The following CDK13 variants were observed in gnomAD, a reference collection of about 807,000 sequenced individuals.
CDK13 encodes cyclin-dependent kinase 13.
A neutral mutation model predicts 137.6 loss-of-function variants in CDK13; 40 were observed. The ratio of observed to expected loss-of-function variants is 0.29; its 90% CI spans 0.23 to 0.38. The LOEUF is 0.38. Ranked by LOEUF, CDK13 falls within the 10% of genes least tolerant of loss-of-function variation. The pLI, the probability that CDK13 is intolerant of heterozygous loss-of-function variation, is 1.00. For missense variants in CDK13, 1,704 were observed against 1,951.8 expected (o/e 0.87, Z 2.39); for synonymous variants, 869 against 760.1 (o/e 1.14, Z -2.36).
intron 1 of CDK13, chr7:39,952,749 A>C (rs375458073): frequency 6.6e-6 from 1 of 152,230 alleles, no homozygotes; most frequent in African/African-American, 2.4e-5. Flanking sequence ...TTTAAATATC[A>C]GGATCTTTGT....
Position 40,089,717 on chromosome 7 carries a change from A to AGT in CDK13, c.3235+1387_3235+1388insTG, listed in dbSNP as rs1375627357. Among the ~76,000 whole-genome samples the AGT allele has an allele frequency of 2.9e-3, 420 of 143,032 alleles. 2 individuals carry two copies. Among genetic ancestry groups the AGT allele is most frequent in the African/African-American group, 0.011 (398 of 35,420 alleles). The allele number at this position is 143,032 out of a possible 152,430, so 93.8% of individuals were successfully genotyped here. ...ATAAAATAGAGAGAGAGAGAGAGAG[A>AGT]GAGAGAGTGTGTGTGTGTGTGTGTG... is the stretch of plus-strand genomic sequence containing the variant. On this transcript the variant is annotated intron_variant, in intron 12 of 13. Transcript: ENST00000181839.
At chr7:39,985,292 T>C (rs1784314206) in intron 1 of CDK13, 1 of 152,306 alleles carries the variant, frequency 6.6e-6, no homozygotes, top group Admixed American at 6.5e-5. Context: ...CTGTTGCAAG[T>C]GACGGGATCT....
chr7:39,959,239 G>A (rs536855732), intron 1 of CDK13, among the ~76,000 whole-genome samples: 2 of 150,186 alleles, frequency 1.3e-5, no homozygotes. Flanking sequence ...TCGGCTCACC[G>A]CAACCTCTGC....
intron 1 of CDK13, among the ~76,000 whole-genome samples, chr7:39,958,117 A>G (rs1583905296): frequency 6.6e-6 from 1 of 152,166 alleles, no homozygotes; most frequent in African/African-American, 2.4e-5. Flanking sequence ...TGGAAAGTAA[A>G]ATTGATGTAC....
chr7:39,997,400 TTCATGAC>T, intron 2 of CDK13, 87 bp from the exon 3 acceptor site: 1 of 937,940 alleles, frequency 1.1e-6, no homozygotes, highest in Non-Finnish European at 1.7e-6. Flanking sequence ...CTGTTGAATA[TTCATGAC>T]TATTGCTACT....
intron 1 of CDK13, among the ~76,000 whole-genome samples, chr7:39,982,218 A>C (rs1583941435): frequency 1.5e-5 from 2 of 129,120 alleles, no homozygotes; most frequent in African/African-American, 3.0e-5. Flanking sequence ...TCCTGTGTCC[A>C]TGTGTTCTCA....
intron 1 of CDK13, among the ~76,000 whole-genome samples, chr7:39,982,774 G>A (rs1784256462): frequency 6.6e-6 from 1 of 152,182 alleles, no homozygotes; most frequent in African/African-American, 2.4e-5. Context: ...CAGTGATGAT[G>A]AGCATTTTTT....
intron 5 of CDK13, among the ~76,000 whole-genome samples, chr7:40,043,408 A>G (rs2150513537): frequency 6.6e-6 from 1 of 152,348 alleles, no homozygotes; most frequent in South Asian, 2.1e-4. Context: ...TGTTTTGGCT[A>G]GTACTCTGGT....
In CDK13 at chr7:40,099,394, C is replaced by T. The variant is rs1404187096; in HGVS notation, c.*4414C>T. ...TTCAAATGAGGCTCTATAGTGAATA[C>T]AGAATCACTCTTCTAAGTTTTTTCC... On this transcript the variant is annotated 3_prime_UTR_variant, in exon 14 of 14. Transcript: ENST00000181839. 1 of 152,132 alleles carries T rather than the reference C, an allele frequency of 6.6e-6. No homozygotes were observed. Among genetic ancestry groups the T allele is most frequent in the East Asian group, 1.9e-4 (1 of 5,196 alleles). The allele number at this position is 152,132 out of a possible 1,614,324, so 9.4% of individuals were successfully genotyped here.
chr7:39,955,391 GC>G (rs948887725), intron 1 of CDK13, among the ~76,000 whole-genome samples: 1 of 152,096 alleles, frequency 6.6e-6, no homozygotes, highest in African/African-American at 2.4e-5. Context: ...ATATTAAAGA[GC>G]ATGGATTTTG....
At position 39,976,344 on chromosome 7, in the gene CDK13, C is replaced by T. The variant is rs1428451429; in HGVS notation, c.1212-11255C>T. Among the ~76,000 whole-genome samples, 3 of 150,338 alleles carry T rather than the reference C, an allele frequency of 2.0e-5. No homozygotes were observed. The Admixed American group carries it at 2.0e-4, about 10-fold the overall frequency. On this transcript the variant is annotated intron_variant, in intron 1 of 13. Transcript: ENST00000181839. ...TCTCTCACACACACACACACACACACACACACACACACACAGAAACAAATG... is the reference window on the plus strand; with the variant it reads ...TCTCTCACACACACACACACACACATACACACACACACACAGAAACAAATG...
At chr7:39,960,659 A>T (rs924358222) in intron 1 of CDK13, among the ~76,000 whole-genome samples, 1 of 151,980 alleles carries the variant, frequency 6.6e-6, no homozygotes, top group African/African-American at 2.4e-5. Flanking sequence ...GTAACAACCT[A>T]CGCCTCCTGG....
intron 5 of CDK13, among the ~76,000 whole-genome samples, chr7:40,021,192 G>A (rs1236874864): frequency 1.3e-5 from 2 of 149,996 alleles, no homozygotes; most frequent in Admixed American, 1.3e-4. Flanking sequence ...CAGTTCATAC[G>A]CTTTCTTAGA....
At chr7:39,982,033 A>C (rs1738520435) in intron 1 of CDK13, among the ~76,000 whole-genome samples, 1 of 137,766 alleles carries the variant, frequency 7.3e-6, no homozygotes, top group African/African-American at 2.8e-5. Context: ...TTATTATTAT[A>C]CTTTAAGTTT....
At chr7:40,016,417 A>G (rs147182811) in intron 5 of CDK13, among the ~76,000 whole-genome samples, 2 of 152,294 alleles carry the variant, frequency 1.3e-5, no homozygotes, top group Non-Finnish European at 2.9e-5. Context: ...GAGTCTACCT[A>G]TATGTACTAG....
chr7:40,083,196 G>T (rs1444658680), intron 11 of CDK13, among the ~76,000 whole-genome samples: 3 of 151,638 alleles, frequency 2.0e-5, no homozygotes, highest in Non-Finnish European at 4.4e-5. Flanking sequence ...TGGAGGCTGG[G>T]CATGGTGACT....
chr7:39,976,321 TCTCA>T (rs1366377760), intron 1 of CDK13, among the ~76,000 whole-genome samples: 24 of 36,014 alleles, frequency 6.7e-4, no homozygotes, highest in African/African-American at 1.3e-3. Context: ...TCTCTCTCTC[TCTCA>T]CACACACACA....
chr7:39,960,130 T>C (rs145754929), intron 1 of CDK13, among the ~76,000 whole-genome samples: 1 of 151,970 alleles, frequency 6.6e-6, no homozygotes, highest in Non-Finnish European at 1.5e-5. Flanking sequence ...TTGGAATGCT[T>C]TGTTAGTTCT....
intron 1 of CDK13, among the ~76,000 whole-genome samples, chr7:39,975,546 A>G (rs535240780): frequency 1.4e-4 from 21 of 152,350 alleles, no homozygotes; most frequent in African/African-American, 5.1e-4. Context: ...GTGTGTAATG[A>G]TTGCCACATT....
Sources: allele counts gnomAD v4.1 joint callset (sites outside exome capture counted in the v4.1 genomes callset), GRCh38; gene constraint gnomAD v4.1.1; transcripts MANE v1.5; gene names NCBI Gene and HGNC (gene_info 2026-07-23, HGNC 2026-07-21).